The following MPP7 variants were observed in gnomAD, a reference collection of about 807,000 sequenced individuals.
The protein encoded by MPP7 is MAGUK p55 scaffold protein 7, also known as MAGUK p55 subfamily member 7.
A neutral mutation model predicts 76.5 loss-of-function variants in MPP7; 60 were observed. That is an observed-to-expected ratio of 0.78 (90% CI 0.64 to 0.97). The LOEUF is 0.97. Among genes scored for constraint, MPP7 ranks in the 50% least tolerant of loss-of-function variants. The pLI, the probability that MPP7 is intolerant of heterozygous loss-of-function variation, is 0.00. For synonymous variants in MPP7, 237 were observed against 244.5 expected (o/e 0.97, Z 0.29); for missense variants, 641 against 694.0 (o/e 0.92, Z 0.86).
chr10:28,270,611 C>T (rs1209940485), intron 1 of MPP7, among the ~76,000 whole-genome samples: 1 of 151,084 alleles, frequency 6.6e-6, no homozygotes, highest in Non-Finnish European at 1.5e-5. Context: ...CGTGTGCCTA[C>T]TTCAGTTCTA....
chr10:28,216,765 G>T (rs762551072), intron 2 of MPP7, among the ~76,000 whole-genome samples: 4 of 152,078 alleles, frequency 2.6e-5, no homozygotes, highest in Admixed American at 6.6e-5. Flanking sequence ...CAAATTATTC[G>T]ATCTGTCTGG....
intron 11 of MPP7, among the ~76,000 whole-genome samples, chr10:28,090,626 T>A (rs1386921510): frequency 6.6e-6 from 1 of 152,186 alleles, no homozygotes; most frequent in Non-Finnish European, 1.5e-5. Context: ...ACAGGCAGCA[T>A]CTATTGTTAA....
At chr10:28,082,928 G>A (rs1034942131) in intron 12 of MPP7, among the ~76,000 whole-genome samples, 2 of 152,184 alleles carry the variant, frequency 1.3e-5, no homozygotes, top group African/African-American at 4.8e-5. Flanking sequence ...CATACTAGGT[G>A]CATGAATTGG....
intron 2 of MPP7, among the ~76,000 whole-genome samples, chr10:28,314,006 C>T (rs775641803): frequency 1.3e-5 from 2 of 151,818 alleles, no homozygotes; most frequent in African/African-American, 2.4e-5. Flanking sequence ...GTGCCTAGCA[C>T]GGAATAACCT....
chr10:28,076,762 C>T (rs562842190), intron 12 of MPP7, among the ~76,000 whole-genome samples: 3 of 152,206 alleles, frequency 2.0e-5, no homozygotes, highest in Non-Finnish European at 4.4e-5. Flanking sequence ...GTGGCACACA[C>T]CTGTAATCCC....
chr10:28,059,208 C>T (rs1239459566), intron 14 of MPP7, among the ~76,000 whole-genome samples: 4 of 152,132 alleles, frequency 2.6e-5, no homozygotes, highest in Non-Finnish European at 4.4e-5. Flanking sequence ...CTAGAGAAGA[C>T]GGTACCAGCA....
intron 1 of MPP7, among the ~76,000 whole-genome samples, chr10:28,252,043 T>C (rs772652584): frequency 6.6e-6 from 1 of 152,238 alleles, no homozygotes; most frequent in Non-Finnish European, 1.5e-5. Context: ...CAGCAGTGAC[T>C]ACACTTGAGA....
intron 2 of MPP7, among the ~76,000 whole-genome samples, chr10:28,316,828 A>G (rs758941578): frequency 6.6e-6 from 1 of 152,184 alleles, no homozygotes; most frequent in Non-Finnish European, 1.5e-5. Flanking sequence ...CGCTGCCTTT[A>G]ACGTGACTCA....
At chr10:28,217,242 A>C (rs12258617) in intron 2 of MPP7, among the ~76,000 whole-genome samples, 26,351 of 152,106 alleles carry the variant, frequency 0.17, 2,592 homozygotes, top group African/African-American at 0.26. Context: ...AGAAAAACTG[A>C]ATTAGTCTGG....
intron 3 of MPP7, among the ~76,000 whole-genome samples, chr10:28,200,288 G>A (rs971921390): frequency 6.6e-6 from 1 of 152,122 alleles, no homozygotes; most frequent in Admixed American, 6.6e-5. Flanking sequence ...AAAAGTTGGG[G>A]GTGGGAGGAA....
upstream of MPP7, among the ~76,000 whole-genome samples, chr10:28,303,079 C>CGGAGGGGCGGGACCGCGGTT (rs1841206114): frequency 6.6e-6 from 1 of 152,170 alleles, no homozygotes; most frequent in Non-Finnish European, 1.5e-5. Flanking sequence ...CCCCCACCCT[C>CGGAGGGGCGGGACCGCGGTT]GGAGGGGCGG....
At chr10:28,076,369 G>A (rs1019053344) in intron 12 of MPP7, among the ~76,000 whole-genome samples, 1 of 152,150 alleles carries the variant, frequency 6.6e-6, no homozygotes, top group Non-Finnish European at 1.5e-5. Context: ...CCATGTAGGG[G>A]CTTACATATT....
In MPP7 at chr10:28,056,500, C is replaced by T. The variant is rs773033463; in HGVS notation, c.1531G>A (p.Gly511Ser). The part of the protein sequence containing the change: ...AKIISSRDDQ[G>S]AAKPFTEEDF... The stretch of plus-strand genomic sequence containing the variant: ...CTTACTGTGAAGGGTTTTGCAGCAC[C>T]TTGGTCATCTCTGCTTGAAATAATC... Residue 511 changes from glycine (G) to serine (S), a missense_variant, in exon 16 of 17, where the codon GGT becomes AGT. Physicochemically the swap from Gly to Ser is moderately conservative, Grantham distance 56. Coordinates refer to ENST00000683449, the MANE Select transcript of MPP7 (RefSeq NM_001318170.2). 1.4e-5 allele frequency: 22 copies of T among 1,612,786 alleles called. No individual in the cohort carries two copies. The East Asian group carries it at 4.7e-4, about 34-fold the overall frequency.
At chr10:28,191,861 C>T (rs900745212) in intron 3 of MPP7, among the ~76,000 whole-genome samples, 3 of 152,088 alleles carry the variant, frequency 2.0e-5, no homozygotes, top group South Asian at 2.1e-4. Flanking sequence ...CAGTGGTTCA[C>T]GCCTATAATC....
At chr10:28,215,850 C>T (rs1192587049) in intron 2 of MPP7, among the ~76,000 whole-genome samples, 3 of 152,074 alleles carry the variant, frequency 2.0e-5, no homozygotes, top group Non-Finnish European at 4.4e-5. Context: ...ATGTAAGCAT[C>T]TTTTAAATAA....
At chr10:28,281,064 G>T (rs1339036003) in intron 1 of MPP7, among the ~76,000 whole-genome samples, 1 of 150,272 alleles carries the variant, frequency 6.7e-6, no homozygotes. Flanking sequence ...AAGAATAAAT[G>T]GTCATTTCTT....
chr10:28,314,920 G>A (rs1841309865), intron 2 of MPP7, among the ~76,000 whole-genome samples: 1 of 152,144 alleles, frequency 6.6e-6, no homozygotes, highest in Non-Finnish European at 1.5e-5. Context: ...AGCCAAGGCA[G>A]GAGAATCTCT....
intron 13 of MPP7, among the ~76,000 whole-genome samples, chr10:28,064,347 GA>G: frequency 6.6e-6 from 1 of 152,158 alleles, no homozygotes; most frequent in South Asian, 2.1e-4. Flanking sequence ...GTCTGGCAAA[GA>G]AAAAAGTGGA....
chr10:28,316,342 G>T (rs1269161185), intron 2 of MPP7, among the ~76,000 whole-genome samples: 2 of 145,044 alleles, frequency 1.4e-5, no homozygotes, highest in Admixed American at 7.3e-5. Context: ...GGTTGAGGCA[G>T]AAGAATCGCT....
Sources: gnomAD v4.1 joint callset for allele counts (sites outside exome capture counted in the v4.1 genomes callset) on GRCh38, gnomAD v4.1.1 for gene constraint, MANE v1.5 for transcripts, NCBI Gene and HGNC (gene_info 2026-07-23, HGNC 2026-07-21) for gene names.